PRKG1: variants seen among roughly 807,000 people sequenced by gnomAD.
The protein encoded by PRKG1 is protein kinase cGMP-dependent 1.
PRKG1 carries 35 observed loss-of-function variants against 88.1 expected under a neutral mutation model. The ratio of observed to expected loss-of-function variants is 0.40; its 90% CI spans 0.30 to 0.53. PRKG1 has a LOEUF of 0.53. Among genes scored for constraint, PRKG1 ranks in the 20% least tolerant of loss-of-function variants. The pLI is 0.59. For missense variants in PRKG1, 540 were observed against 839.8 expected (o/e 0.64, Z 4.41); for synonymous variants, 303 against 292.5 (o/e 1.04, Z -0.37).
intron 3 of PRKG1, among the ~76,000 whole-genome samples, chr10:51,564,723 A>G (rs998724284): frequency 1.3e-5 from 2 of 152,222 alleles, no homozygotes; most frequent in South Asian, 2.1e-4. Context: ...ATATTCAAAT[A>G]TGGTTCACAA....
intron 5 of PRKG1, among the ~76,000 whole-genome samples, chr10:51,915,526 A>C (rs61140024): frequency 0.041 from 6,235 of 151,710 alleles, 439 homozygotes; most frequent in African/African-American, 0.14. Context: ...AAGGAGAATG[A>C]GTTGGAAGAT....
At chr10:51,357,622 T>G (rs979477752) in intron 2 of PRKG1, among the ~76,000 whole-genome samples, 2 of 152,022 alleles carry the variant, frequency 1.3e-5, no homozygotes, top group Non-Finnish European at 2.9e-5. Flanking sequence ...TTATATGTTA[T>G]GCTTTGCATG....
At chr10:51,776,202 T>C (rs1838431193) in intron 3 of PRKG1, among the ~76,000 whole-genome samples, 1 of 152,168 alleles carries the variant, frequency 6.6e-6, no homozygotes, top group Admixed American at 6.5e-5. Context: ...TTTCTAAAAA[T>C]AAAAGAAAAT....
chr10:51,164,105 C>T (rs1457311484), intron 2 of PRKG1, among the ~76,000 whole-genome samples: 2 of 152,184 alleles, frequency 1.3e-5, no homozygotes, highest in Non-Finnish European at 2.9e-5. Flanking sequence ...GAAGTGGGTC[C>T]CTGACCCCTG....
intron 4 of PRKG1, among the ~76,000 whole-genome samples, chr10:51,817,347 A>ACACCCC (rs570863275): frequency 7.7e-6 from 1 of 129,590 alleles, no homozygotes. Flanking sequence ...TCCCTCCCCA[A>ACACCCC]CCCCCCCCCT....
chr10:51,739,528 AT>A (rs1837378068), intron 3 of PRKG1, among the ~76,000 whole-genome samples: 1 of 152,190 alleles, frequency 6.6e-6, no homozygotes, highest in Non-Finnish European at 1.5e-5. Context: ...CAGAAAAATA[AT>A]TTTTGAATTA....
At chr10:51,320,649 A>T (rs211071) in intron 2 of PRKG1, 5 of 152,286 alleles carry the variant, frequency 3.3e-5, no homozygotes, top group African/African-American at 1.2e-4. Flanking sequence ...CCTGACAGAC[A>T]GTAACAAATA....
chr10:52,248,360 G>A (rs1354627535), intron 9 of PRKG1, among the ~76,000 whole-genome samples: 3 of 152,184 alleles, frequency 2.0e-5, no homozygotes, highest in Non-Finnish European at 4.4e-5. Flanking sequence ...GATTTCTTGA[G>A]TGGAAAAGAT....
In PRKG1 at chr10:52,066,616, A is replaced by G. The variant is rs73342909; in HGVS notation, c.935+3985A>G. Among the ~76,000 whole-genome samples the G allele has an allele frequency of 4.0e-3, 613 of 152,312 alleles. 4 individuals carry two copies. The highest frequency in any genetic ancestry group is 0.014 in the African/African-American group (572 of 41,558). ...GGGCAGGCTAGCGATGTAAATGACT[A>G]CAATAGGCTAGTAAAACAGGTGGCA... On this transcript the variant is annotated intron_variant, in intron 7 of 17. Transcript: ENST00000373980.
intron 7 of PRKG1, among the ~76,000 whole-genome samples, chr10:52,124,085 A>G (rs1847879628): frequency 6.6e-6 from 1 of 152,192 alleles, no homozygotes; most frequent in Admixed American, 6.5e-5. Context: ...TACAGCATGG[A>G]CACACTGGAC....
At chr10:52,212,063 C>T (rs1396515304) in intron 9 of PRKG1, among the ~76,000 whole-genome samples, 1 of 151,968 alleles carries the variant, frequency 6.6e-6, no homozygotes, top group Non-Finnish European at 1.5e-5. Flanking sequence ...TTTAATTGAG[C>T]CAAGAAAGAC....
intron 2 of PRKG1, among the ~76,000 whole-genome samples, chr10:51,309,602 G>A (rs992828004): frequency 1.3e-5 from 2 of 152,090 alleles, no homozygotes; most frequent in African/African-American, 2.4e-5. Flanking sequence ...AACGGATGTC[G>A]ATGAGGATGC....
intron 2 of PRKG1, among the ~76,000 whole-genome samples, chr10:51,227,467 T>C (rs1209568814): frequency 6.6e-6 from 1 of 152,168 alleles, no homozygotes; most frequent in Non-Finnish European, 1.5e-5. Context: ...CAATTTATTA[T>C]TCTTGTTTGG....
chr10:52,179,271 T>A (rs921772327), intron 9 of PRKG1, among the ~76,000 whole-genome samples: 9 of 152,202 alleles, frequency 5.9e-5, no homozygotes, highest in Non-Finnish European at 2.9e-5. Context: ...CTAAGGCCAG[T>A]CTACTAGTGA....
At chr10:51,935,962 A>C (rs1480104870) in intron 5 of PRKG1, among the ~76,000 whole-genome samples, 1 of 151,994 alleles carries the variant, frequency 6.6e-6, no homozygotes, top group Non-Finnish European at 1.5e-5. Flanking sequence ...TTGCATAGCC[A>C]CCCCTCCTAT....
At chr10:51,911,327 A>G (rs1261075765) in intron 5 of PRKG1, 2 of 146,334 alleles carry the variant, frequency 1.4e-5, no homozygotes, top group African/African-American at 4.9e-5. Flanking sequence ...TCCTAAAAAA[A>G]AAAAAAAACC....
intron 3 of PRKG1, among the ~76,000 whole-genome samples, chr10:51,790,216 G>C (rs1342807390): frequency 6.6e-6 from 1 of 152,102 alleles, no homozygotes; most frequent in East Asian, 1.9e-4. Flanking sequence ...CAGAGCTAGT[G>C]AGCCAGTTGC....
chr10:51,103,184 GA>G (rs1844729915), intron 1 of PRKG1, among the ~76,000 whole-genome samples: 1 of 151,774 alleles, frequency 6.6e-6, no homozygotes, highest in South Asian at 2.1e-4. Flanking sequence ...ATATTCAATA[GA>G]AAAAGAGAAG....
chr10:51,888,098 A>G (rs1841618799), intron 4 of PRKG1, among the ~76,000 whole-genome samples: 1 of 152,220 alleles, frequency 6.6e-6, no homozygotes, highest in African/African-American at 2.4e-5. Flanking sequence ...GTGACTATAT[A>G]CTTAGTACCT....
Sources: gnomAD v4.1 joint callset for allele counts (sites outside exome capture counted in the v4.1 genomes callset) on GRCh38, gnomAD v4.1.1 for gene constraint, MANE v1.5 for transcripts, NCBI Gene and HGNC (gene_info 2026-07-23, HGNC 2026-07-21) for gene names.